PCDHA7: variants seen among roughly 807,000 people sequenced by gnomAD.
PCDHA7 encodes protocadherin alpha-7.
In PCDHA7, 37 loss-of-function variants were observed where a neutral mutation model predicts 57.2. That is an observed-to-expected ratio of 0.65 (90% CI 0.50 to 0.85). PCDHA7 has a LOEUF of 0.85. Among genes scored for constraint, PCDHA7 ranks in the 40% least tolerant of loss-of-function variants. PCDHA7 has a pLI of 0.00. For missense variants in PCDHA7, 1,188 were observed against 1,241.8 expected, an observed-to-expected ratio of 0.96 and a Z score of 0.65; for synonymous variants, 553 against 558.8, an observed-to-expected ratio of 0.99 and a Z score of 0.15.
intron 1 of PCDHA7, chr5:140,927,843 C>T (rs1563097859): frequency 1.2e-6 from 2 of 1,614,186 alleles, no homozygotes; most frequent in Non-Finnish European, 1.7e-6. Context: ...ACGAAGGTGT[C>T]TTTGGTTTAG....
rs2150467909 is a variant in PCDHA7, at chr5:140,850,110, G to A, written c.2355+13372G>A. The A allele has an allele frequency of 3.1e-6, 5 of 1,596,146 alleles. No individual in the cohort carries two copies. The East Asian group carries it at 8.9e-5, about 28-fold the overall frequency. Reference sequence around the variant, plus strand: ...GCTACAGTTCCAGGTGAGCGCGCGCGACGCGGGCGTGCCGCCTCTGGGCAG... The same window carrying A: ...GCTACAGTTCCAGGTGAGCGCGCGCAACGCGGGCGTGCCGCCTCTGGGCAG... On this transcript the variant is annotated intron_variant, in intron 1 of 3. Coordinates refer to ENST00000525929, the MANE Select transcript of PCDHA7 (RefSeq NM_018910.3).
chr5:140,845,872 C>T (rs1261726866), intron 1 of PCDHA7, among the ~76,000 whole-genome samples: 3 of 149,504 alleles, frequency 2.0e-5, no homozygotes, highest in Non-Finnish European at 4.5e-5. Flanking sequence ...AGAAAGGCAA[C>T]CTAAAATGTC....
At chr5:140,941,247 CT>C (rs1398354432) in intron 1 of PCDHA7, among the ~76,000 whole-genome samples, 1 of 128,506 alleles carries the variant, frequency 7.8e-6, no homozygotes, top group African/African-American at 2.9e-5. Context: ...TTCTTTCTTT[CT>C]TTCTTTCTCT....
intron 1 of PCDHA7, among the ~76,000 whole-genome samples, chr5:140,910,646 G>T (rs1490115049): frequency 6.6e-6 from 1 of 152,158 alleles, no homozygotes; most frequent in Non-Finnish European, 1.5e-5. Flanking sequence ...TAAACCTTTT[G>T]ATCCCTTCCT....
At chr5:140,937,546 G>A (rs1584916949) in intron 1 of PCDHA7, among the ~76,000 whole-genome samples, 1 of 152,050 alleles carries the variant, frequency 6.6e-6, no homozygotes, top group Non-Finnish European at 1.5e-5. Flanking sequence ...GAACCTGCGA[G>A]GCAGAGGTTG....
At chr5:140,848,487 G>C (rs782524885) in intron 1 of PCDHA7, 2 of 1,574,380 alleles carry the variant, frequency 1.3e-6, no homozygotes, top group Non-Finnish European at 1.7e-6. Flanking sequence ...AGAAGACTGA[G>C]TATTTGAAAT....
At chr5:141,007,156 G>A (rs1289202250) in intron 3 of PCDHA7, among the ~76,000 whole-genome samples, 2 of 152,148 alleles carry the variant, frequency 1.3e-5, no homozygotes, top group Non-Finnish European at 1.5e-5. Context: ...AACTGTCAAA[G>A]AACAGTCAGA....
intron 3 of PCDHA7, among the ~76,000 whole-genome samples, chr5:140,991,620 T>C (rs2097462467): frequency 6.6e-6 from 1 of 152,212 alleles, no homozygotes; most frequent in Non-Finnish European, 1.5e-5. Flanking sequence ...TTTAATGCCA[T>C]ATTTGTAATA....
chr5:140,838,098 G>T (rs1775538367), intron 1 of PCDHA7, among the ~76,000 whole-genome samples: 1 of 147,360 alleles, frequency 6.8e-6, no homozygotes, highest in African/African-American at 2.6e-5. Flanking sequence ...GTGTGTGTGT[G>T]TGTGTGTGTG....
chr5:140,930,084 A>T (rs1350674790), intron 1 of PCDHA7: 2 of 152,142 alleles, frequency 1.3e-5, no homozygotes, highest in Non-Finnish European at 2.9e-5. Flanking sequence ...CTCTCATAAC[A>T]TCTATTTATA....
intron 1 of PCDHA7, chr5:140,882,132 A>G: frequency 6.8e-7 from 1 of 1,475,878 alleles, no homozygotes; most frequent in Non-Finnish European, 9.1e-7. Flanking sequence ...TTCTTCCTGC[A>G]GAAAATATAG....
At chr5:140,989,105 T>G (rs550881823) in intron 3 of PCDHA7, 2 of 152,232 alleles carry the variant, frequency 1.3e-5, no homozygotes, top group African/African-American at 4.8e-5. Flanking sequence ...GAAACAACTT[T>G]TGAATATATC....
intron 1 of PCDHA7, among the ~76,000 whole-genome samples, chr5:140,872,744 C>T (rs1359908128): frequency 6.6e-6 from 1 of 152,086 alleles, no homozygotes; most frequent in African/African-American, 2.4e-5. Flanking sequence ...TCTAAACTTG[C>T]TAAAGACATG....
chr5:140,991,642 A>T (rs2097463636), intron 3 of PCDHA7, among the ~76,000 whole-genome samples: 2 of 152,160 alleles, frequency 1.3e-5, no homozygotes, highest in South Asian at 4.1e-4. Flanking sequence ...CAATCTGTTC[A>T]TGACAATTTA....
At chr5:140,886,827 GAAAA>G (rs782016620) in intron 1 of PCDHA7, among the ~76,000 whole-genome samples, 16 of 60,888 alleles carry the variant, frequency 2.6e-4, no homozygotes, top group Non-Finnish European at 3.3e-4. Flanking sequence ...ACTTCGTCTT[GAAAA>G]AAAAAAAAAA....
At chr5:140,877,801 C>T in intron 1 of PCDHA7, 1 of 1,613,416 alleles carries the variant, frequency 6.2e-7, no homozygotes, top group South Asian at 1.1e-5. Context: ...CCCAAGCCTT[C>T]AGCTGTCTCG....
At chr5:140,884,698 A>G (rs782573200) in intron 1 of PCDHA7, 13 of 1,502,610 alleles carry the variant, frequency 8.7e-6, no homozygotes, top group African/African-American at 1.4e-5. Context: ...CTTAGTAAAC[A>G]CTTTAGCCTT....
intron 1 of PCDHA7, chr5:140,882,788 C>G: frequency 6.2e-7 from 1 of 1,614,216 alleles, no homozygotes; most frequent in Non-Finnish European, 8.5e-7. Flanking sequence ...CCGACTGGAT[C>G]CCAACGATTA....
intron 1 of PCDHA7, chr5:140,884,245 G>A: frequency 6.2e-7 from 1 of 1,613,462 alleles, no homozygotes; most frequent in Non-Finnish European, 8.5e-7. Context: ...AGCCCGCGCT[G>A]ACGGCCACGG....
Sources: gnomAD v4.1 joint callset for allele counts (sites outside exome capture counted in the v4.1 genomes callset) on GRCh38, gnomAD v4.1.1 for gene constraint, MANE v1.5 for transcripts, NCBI Gene and HGNC (gene_info 2026-07-23, HGNC 2026-07-21) for gene names.